Variants in ZMYM2 observed in about 807,000 individuals in gnomAD.
ZMYM2 encodes the protein zinc finger MYM-type protein 2.
A neutral mutation model predicts 162.8 loss-of-function variants in ZMYM2; 56 were observed. That is an observed-to-expected ratio of 0.34 (90% confidence interval 0.28 to 0.43). ZMYM2 has a LOEUF of 0.43. Ranked by LOEUF, ZMYM2 falls within the 20% of genes least tolerant of loss-of-function variation. The pLI is 1.00. For synonymous variants in ZMYM2, 510 were observed against 541.6 expected (o/e 0.94, Z 0.81); for missense variants, 1,275 against 1,621.8 (o/e 0.79, Z 3.67).
chr13:20,085,032 G>A (rs1404969095), intron 24 of ZMYM2, among the ~76,000 whole-genome samples: 1 of 152,162 alleles, frequency 6.6e-6, no homozygotes, highest in Non-Finnish European at 1.5e-5. Context: ...CTCTAAACAT[G>A]AAATTCATTT....
At chr13:20,009,982 C>G (rs770864460) in intron 6 of ZMYM2, among the ~76,000 whole-genome samples, 3 of 152,156 alleles carry the variant, frequency 2.0e-5, no homozygotes, top group Non-Finnish European at 4.4e-5. Context: ...GAAGAATTGT[C>G]AAACTATTTT....
At position 19,993,783 on chromosome 13, in the gene ZMYM2, T is replaced by C; in HGVS notation, c.711T>C (p.Phe237=). The change falls in exon 3 of 25, where the codon TTT becomes TTC. Residue 237 remains phenylalanine, a synonymous_variant. Transcript: ENST00000610343. ...DVSNGLQSSN[F]GVNIQTYTPS... ...CTAACGGACTGCAGTCAAGTAATTTTGGTGTTAATATACAAACATACACCC... is the reference window on the plus strand; with the variant it reads ...CTAACGGACTGCAGTCAAGTAATTTCGGTGTTAATATACAAACATACACCC... The C allele has an allele frequency of 4.3e-6, 7 of 1,614,198 alleles. No individual in the cohort carries two copies. Among genetic ancestry groups the C allele is most frequent in the Non-Finnish European group, 5.1e-6 (6 of 1,180,024 alleles).
chr13:20,057,621 T>C (rs896483144), intron 14 of ZMYM2, among the ~76,000 whole-genome samples: 5 of 152,238 alleles, frequency 3.3e-5, no homozygotes, highest in African/African-American at 1.2e-4. Flanking sequence ...GTGTGCATTA[T>C]ATCTGTACTG....
chr13:19,953,977 C>A (rs1307807052), upstream of ZMYM2, among the ~76,000 whole-genome samples: 1 of 151,658 alleles, frequency 6.6e-6, no homozygotes, highest in Non-Finnish European at 1.5e-5. Context: ...ATAATTATTC[C>A]ATGAATCCTG....
the ZMYM2 span, among the ~76,000 whole-genome samples, chr13:19,880,890 T>C: frequency 6.1e-5 from 9 of 148,256 alleles, no homozygotes; most frequent in Middle Eastern, 3.5e-3. Context: ...GTTTTTGTTT[T>C]GTTTTTTGTT....
the ZMYM2 span, among the ~76,000 whole-genome samples, chr13:19,876,060 CTT>C: frequency 6.7e-6 from 1 of 149,896 alleles, no homozygotes; most frequent in Non-Finnish European, 1.5e-5. Flanking sequence ...GAGTCTTGCT[CTT>C]GTCACCCAGG....
At chr13:19,892,899 G>A in the ZMYM2 span, among the ~76,000 whole-genome samples, 1 of 151,090 alleles carries the variant, frequency 6.6e-6, no homozygotes, top group Non-Finnish European at 1.5e-5. Flanking sequence ...ATTTTTAGTA[G>A]AGACGGGGTT....
At chr13:19,902,076 C>T in the ZMYM2 span, among the ~76,000 whole-genome samples, 3 of 152,238 alleles carry the variant, frequency 2.0e-5, no homozygotes, top group East Asian at 3.9e-4. Flanking sequence ...AGCCATGAGT[C>T]CTGGCACTGG....
intron 2 of ZMYM2, among the ~76,000 whole-genome samples, chr13:19,967,724 G>A (rs773704269): frequency 6.6e-5 from 10 of 152,182 alleles, no homozygotes; most frequent in Non-Finnish European, 1.0e-4. Context: ...GTAATGCCTG[G>A]TTTCCTGAGA....
chr13:19,866,075 G>C, the ZMYM2 span, among the ~76,000 whole-genome samples: 1 of 143,790 alleles, frequency 7.0e-6, no homozygotes, highest in Non-Finnish European at 1.5e-5. Context: ...TAAATGAATT[G>C]GCCGGGCACA....
intron 6 of ZMYM2, among the ~76,000 whole-genome samples, chr13:20,015,791 A>G (rs1482732844): frequency 1.3e-5 from 2 of 152,050 alleles, no homozygotes; most frequent in Non-Finnish European, 2.9e-5. Context: ...TTAATATGGC[A>G]ACCCCAACTC....
the ZMYM2 span, chr13:19,864,440 C>G: frequency 6.5e-6 from 1 of 154,968 alleles, no homozygotes; most frequent in African/African-American, 2.4e-5. Flanking sequence ...AGGGAACAGC[C>G]CCAGCTGCCG....
the ZMYM2 span, among the ~76,000 whole-genome samples, chr13:19,916,104 G>A: frequency 2.0e-5 from 3 of 151,844 alleles, no homozygotes; most frequent in East Asian, 1.9e-4. Context: ...CTCATGATGC[G>A]CCCACCTCAG....
At chr13:20,075,937 C>A (rs1244222458) in intron 21 of ZMYM2, among the ~76,000 whole-genome samples, 1 of 151,840 alleles carries the variant, frequency 6.6e-6, no homozygotes, top group Non-Finnish European at 1.5e-5. Context: ...CTCAGGTGAT[C>A]CCCCCACCTC....
chr13:19,875,007 G>C, the ZMYM2 span, among the ~76,000 whole-genome samples: 1 of 152,170 alleles, frequency 6.6e-6, no homozygotes, highest in Non-Finnish European at 1.5e-5. Context: ...AAGTAGTTTG[G>C]AGATTTCTCA....
intron 2 of ZMYM2, among the ~76,000 whole-genome samples, chr13:19,987,658 T>TGTGTGG (rs56172426): frequency 6.7e-6 from 1 of 148,494 alleles, no homozygotes; most frequent in Non-Finnish European, 1.5e-5. Flanking sequence ...TGTGTGTGTG[T>TGTGTGG]ATAGGAAAGA....
At chr13:20,011,853 A>G (rs189161006) in intron 6 of ZMYM2, among the ~76,000 whole-genome samples, 366 of 151,772 alleles carry the variant, frequency 2.4e-3, no homozygotes, top group African/African-American at 8.5e-3. Flanking sequence ...CGTTCAAGCA[A>G]TTATCCTGCC....
the ZMYM2 span, among the ~76,000 whole-genome samples, chr13:19,918,476 CTTTTCTT>C: frequency 6.9e-6 from 1 of 144,608 alleles, no homozygotes; most frequent in Non-Finnish European, 1.5e-5. Flanking sequence ...AAAATCCTTT[CTTTTCTT>C]TTTCTTTCTT....
At chr13:20,003,414 A>G (rs1025574904) in intron 4 of ZMYM2, among the ~76,000 whole-genome samples, 1 of 152,210 alleles carries the variant, frequency 6.6e-6, no homozygotes, top group African/African-American at 2.4e-5. Flanking sequence ...AGCCAAATAA[A>G]AATGCTAAGC....
Sources: allele counts gnomAD v4.1 joint callset (sites outside exome capture counted in the v4.1 genomes callset), GRCh38; gene constraint gnomAD v4.1.1; transcripts MANE v1.5; gene names NCBI Gene and HGNC (gene_info 2026-07-23, HGNC 2026-07-21).